CTNND2: variants seen among roughly 807,000 people sequenced by gnomAD.
CTNND2 encodes the protein catenin delta 2, also known as catenin delta-2.
CTNND2 carries 22 observed loss-of-function variants against 144.4 expected under a neutral mutation model. That is an observed-to-expected ratio of 0.15 (90% CI 0.11 to 0.22). The LOEUF (loss-of-function observed/expected upper bound fraction) is 0.22, where lower values mean the gene tolerates loss of function less well. CTNND2 is among the 10% of genes least tolerant of loss of function. CTNND2 has a pLI of 1.00. For synonymous variants in CTNND2, 751 were observed against 695.6 expected (o/e 1.08, Z -1.25); for missense variants, 1,353 against 1,618.8 (o/e 0.84, Z 2.82).
intron 9 of CTNND2, among the ~76,000 whole-genome samples, chr5:11,329,462 A>C (rs1037538630): frequency 4.6e-5 from 7 of 152,120 alleles, no homozygotes; most frequent in African/African-American, 1.7e-4. Context: ...GCCAAAGTTA[A>C]TCATCTCTTT....
At chr5:11,748,625 C>T (rs369082817) in intron 1 of CTNND2, among the ~76,000 whole-genome samples, 14 of 152,042 alleles carry the variant, frequency 9.2e-5, no homozygotes, top group African/African-American at 3.1e-4. Context: ...ATTTCTTTAC[C>T]GCCAAATTCC....
At chr5:11,108,861 G>A (rs146436885) in intron 14 of CTNND2, among the ~76,000 whole-genome samples, 1 of 152,280 alleles carries the variant, frequency 6.6e-6, no homozygotes, top group Non-Finnish European at 1.5e-5. Context: ...TCACAGGATC[G>A]TTGGCCATAG....
At chr5:11,705,780 T>A (rs1050560886) in intron 2 of CTNND2, among the ~76,000 whole-genome samples, 44 of 152,290 alleles carry the variant, frequency 2.9e-4, no homozygotes, top group Middle Eastern at 3.4e-3. Flanking sequence ...TCCACACTTT[T>A]ATGCAGTCCT....
At chr5:11,066,953 A>G (rs1292361341) in intron 16 of CTNND2, among the ~76,000 whole-genome samples, 1 of 152,190 alleles carries the variant, frequency 6.6e-6, no homozygotes, top group Non-Finnish European at 1.5e-5. Context: ...TTGATCTTCA[A>G]GGGGACTGAT....
chr5:11,159,671 G>A lies in CTNND2; in HGVS notation c.2064C>T (p.Ile688=), dbSNP rs1263288498. The change falls in exon 12 of 22, where the codon ATC becomes ATT. Residue 688 remains isoleucine (I), a synonymous_variant. Coordinates refer to ENST00000304623, the MANE Select transcript of CTNND2 (RefSeq NM_001332.4). Reference sequence around the variant, plus strand: ...GCGAATTTTCCCAGCCTGAGTGGGGGATAATCACCGCGTTGGTCAGTACTG... The same window carrying A: ...GCGAATTTTCCCAGCCTGAGTGGGGAATAATCACCGCGTTGGTCAGTACTG... ...ALAVLTNAVI[I]PHSGWENSPL... The A allele has an allele frequency of 6.2e-7, 1 of 1,613,454 alleles. No homozygotes were observed. Among genetic ancestry groups the A allele is most frequent in the Admixed American group, 1.7e-5 (1 of 59,938 alleles).
intron 3 of CTNND2, among the ~76,000 whole-genome samples, chr5:11,445,500 T>C (rs1292520086): frequency 6.6e-6 from 1 of 152,126 alleles, no homozygotes; most frequent in African/African-American, 2.4e-5. Context: ...ATCGGGAGTC[T>C]CCAAAGCAAA....
intron 18 of CTNND2, among the ~76,000 whole-genome samples, chr5:11,013,123 C>G (rs944521184): frequency 6.6e-5 from 10 of 152,142 alleles, no homozygotes; most frequent in African/African-American, 2.4e-4. Context: ...TATACTGGAG[C>G]AAAGGAACAG....
At chr5:11,454,046 A>G (rs1765512072) in intron 3 of CTNND2, among the ~76,000 whole-genome samples, 1 of 152,162 alleles carries the variant, frequency 6.6e-6, no homozygotes, top group Non-Finnish European at 1.5e-5. Context: ...CTTAGCAGCA[A>G]ATTATTTACT....
rs542881456 is a variant in CTNND2 at position 11,434,918 on chromosome 5, C to T, written c.288-22849G>A. Among the ~76,000 whole-genome samples the T allele has an allele frequency of 7.2e-5, 11 of 151,866 alleles. No individual in the cohort carries two copies. In the East Asian group the frequency reaches 2.1e-3, roughly 29 times the overall value. ...GTAATCAAATCAAACTGGATAACTG[C>T]AAAGAAAATATAGCATGCACAAGTG... On this transcript the variant is annotated intron_variant, in intron 3 of 21. Transcript: ENST00000304623.
chr5:11,636,761 T>C (rs191971948), intron 2 of CTNND2, among the ~76,000 whole-genome samples: 3 of 152,334 alleles, frequency 2.0e-5, no homozygotes, highest in African/African-American at 2.4e-5. Context: ...GCAGATCTAT[T>C]TATCAATACG....
At chr5:11,006,001 A>G (rs1205683234) in intron 18 of CTNND2, among the ~76,000 whole-genome samples, 3 of 152,184 alleles carry the variant, frequency 2.0e-5, no homozygotes, top group Admixed American at 2.0e-4. Flanking sequence ...TGGTTTGTGA[A>G]GGGATCTTGC....
intron 3 of CTNND2, among the ~76,000 whole-genome samples, chr5:11,480,579 T>C (rs994440509): frequency 8.5e-5 from 13 of 152,092 alleles, no homozygotes; most frequent in Non-Finnish European, 1.5e-4. Context: ...TGAAATTACT[T>C]TGACATGTTT....
intron 2 of CTNND2, among the ~76,000 whole-genome samples, chr5:11,639,627 A>G (rs1278314823): frequency 6.6e-6 from 1 of 152,190 alleles, no homozygotes; most frequent in Non-Finnish European, 1.5e-5. Flanking sequence ...CTGGTTAGGG[A>G]AAACAAACAT....
intron 10 of CTNND2, among the ~76,000 whole-genome samples, chr5:11,229,518 G>T (rs1740743113): frequency 6.6e-6 from 1 of 151,962 alleles, no homozygotes; most frequent in Non-Finnish European, 1.5e-5. Flanking sequence ...AACAGGCCTT[G>T]TCTCTAAAAA....
intron 16 of CTNND2, among the ~76,000 whole-genome samples, chr5:11,075,697 G>A (rs1423214611): frequency 2.0e-5 from 3 of 152,236 alleles, no homozygotes; most frequent in Non-Finnish European, 2.9e-5. Flanking sequence ...GCAGGGATGC[G>A]GTGGCCCCGC....
intron 1 of CTNND2, among the ~76,000 whole-genome samples, chr5:11,793,907 A>G (rs1020639848): frequency 1.3e-5 from 2 of 152,204 alleles, no homozygotes; most frequent in African/African-American, 4.8e-5. Flanking sequence ...TCCTCATGTG[A>G]CAGTTTTCAT....
intron 3 of CTNND2, among the ~76,000 whole-genome samples, chr5:11,445,904 T>C (rs1764756560): frequency 6.6e-6 from 1 of 152,210 alleles, no homozygotes; most frequent in Non-Finnish European, 1.5e-5. Context: ...AGTATTTAAA[T>C]AGATATTTGG....
intron 6 of CTNND2, among the ~76,000 whole-genome samples, chr5:11,392,056 G>A (rs1392568297): frequency 1.3e-5 from 2 of 152,176 alleles, no homozygotes; most frequent in African/African-American, 4.8e-5. Context: ...TATGGAGGAG[G>A]GGGAGAGAAA....
At chr5:11,119,841 C>T (rs543102816) in intron 12 of CTNND2, among the ~76,000 whole-genome samples, 1 of 152,298 alleles carries the variant, frequency 6.6e-6, no homozygotes, top group African/African-American at 2.4e-5. Context: ...GAAAAAAACC[C>T]TCTGCAGCTC....
Sources: allele counts gnomAD v4.1 joint callset (sites outside exome capture counted in the v4.1 genomes callset), GRCh38; gene constraint gnomAD v4.1.1; transcripts MANE v1.5; gene names NCBI Gene and HGNC (gene_info 2026-07-23, HGNC 2026-07-21).